The following PLXNA2 variants were observed in gnomAD, a reference collection of about 807,000 sequenced individuals.
PLXNA2 encodes the protein plexin-A2.
PLXNA2 carries 91 observed loss-of-function variants against 193.5 expected under a neutral mutation model. The observed-to-expected ratio is 0.47, with a 90% CI of 0.40 to 0.56. The LOEUF (loss-of-function observed/expected upper bound fraction) is 0.56. Among genes scored for constraint, PLXNA2 ranks in the 20% least tolerant of loss-of-function variants. The pLI is 0.00. For synonymous variants in PLXNA2, 997 were observed against 1,027.3 expected (o/e 0.97, Z 0.56); for missense variants, 1,995 against 2,503.2 (o/e 0.80, Z 4.33).
Position 208,027,125 on chromosome 1 carries a change from G to A in PLXNA2, c.*118C>T. The A allele has an allele frequency of 1.1e-6, 1 of 906,566 alleles. No homozygotes were observed. The highest frequency in any genetic ancestry group is 1.5e-5 in the South Asian group (1 of 67,178). The allele number at this position is 906,566 out of a possible 1,614,324, so 56.2% of individuals were successfully genotyped here. The stretch of plus-strand genomic sequence containing the variant: ...GGAGTCCTCCCCTCTCCCCAGGATG[G>A]GGTCTCAGGGGACAGCAAGCTCTGG... On this transcript the variant is annotated 3_prime_UTR_variant, in exon 32 of 32. Transcript: ENST00000367033.
chr1:208,067,143 G>A (rs776430309), intron 12 of PLXNA2, among the ~76,000 whole-genome samples: 1 of 152,112 alleles, frequency 6.6e-6, no homozygotes, highest in East Asian at 1.9e-4. Context: ...TCGGGAGTTT[G>A]AGACCAGCCT....
intron 3 of PLXNA2, among the ~76,000 whole-genome samples, chr1:208,181,923 G>A (rs887227070): frequency 6.6e-6 from 1 of 152,148 alleles, no homozygotes; most frequent in African/African-American, 2.4e-5. Flanking sequence ...CCCTGAGACC[G>A]TGTCCCATTT....
intron 3 of PLXNA2, among the ~76,000 whole-genome samples, chr1:208,200,306 C>T (rs545677788): frequency 2.0e-5 from 3 of 152,226 alleles, no homozygotes; most frequent in Admixed American, 2.0e-4. Context: ...CCACATTCAT[C>T]TCCATGTATT....
At chr1:208,048,499 T>G (rs1665150598) in intron 17 of PLXNA2, among the ~76,000 whole-genome samples, 1 of 152,180 alleles carries the variant, frequency 6.6e-6, no homozygotes, top group South Asian at 2.1e-4. Context: ...CCACTGAAAC[T>G]GAGGGCCCCC....
At chr1:208,119,743 G>A (rs1020039789) in intron 4 of PLXNA2, among the ~76,000 whole-genome samples, 1 of 152,180 alleles carries the variant, frequency 6.6e-6, no homozygotes, top group African/African-American at 2.4e-5. Flanking sequence ...CCAAGTAGCT[G>A]GGAATACAAG....
chr1:208,137,484 C>T (rs1380054578), intron 4 of PLXNA2, among the ~76,000 whole-genome samples: 1 of 152,110 alleles, frequency 6.6e-6, no homozygotes, highest in Non-Finnish European at 1.5e-5. Flanking sequence ...CCTGATTTTC[C>T]CTTGACTCGC....
chr1:208,150,021 T>A (rs1668711743), intron 3 of PLXNA2, among the ~76,000 whole-genome samples: 1 of 152,158 alleles, frequency 6.6e-6, no homozygotes, highest in Non-Finnish European at 1.5e-5. Context: ...TGGCCCTAAA[T>A]GCTTGGCTAA....
At chr1:208,196,024 C>A (rs1670346242) in intron 3 of PLXNA2, among the ~76,000 whole-genome samples, 1 of 151,950 alleles carries the variant, frequency 6.6e-6, no homozygotes, top group Non-Finnish European at 1.5e-5. Context: ...TTTGGTTGTG[C>A]CATACAAGAC....
chr1:208,045,706 C>T (rs1274975507), intron 18 of PLXNA2, among the ~76,000 whole-genome samples, 172 bp downstream of exon 18: 4 of 152,190 alleles, frequency 2.6e-5, no homozygotes, highest in African/African-American at 4.8e-5. Context: ...CAAGCTATAT[C>T]GCCTGATGGG....
chr1:208,026,178 T>G lies in PLXNA2; in HGVS notation c.*1065A>C, dbSNP rs1256234063. ...CTATGTCTCCAAATCAACTTTCAAA[T>G]GGAACCTCGTGGAGGCCTGGCCCAC... On this transcript the variant is annotated 3_prime_UTR_variant, in exon 32 of 32. Transcript: ENST00000367033. 1 of 152,444 alleles carries G rather than the reference T, an allele frequency of 6.6e-6. No individual in the cohort carries two copies. The highest frequency in any genetic ancestry group is 1.5e-5 in the Non-Finnish European group (1 of 68,028). 9.4% of individuals were successfully genotyped at this position (152,444 alleles called of 1,614,324 possible). A position where few individuals can be genotyped will look rare whatever the true frequency, so the allele number is the denominator to read the frequency against.
At chr1:208,123,175 C>T (rs1326821266) in intron 4 of PLXNA2, among the ~76,000 whole-genome samples, 3 of 152,296 alleles carry the variant, frequency 2.0e-5, no homozygotes, top group Admixed American at 6.5e-5. Context: ...TCATACAGTA[C>T]GTGATCCTTT....
chr1:208,131,533 TG>T (rs1668153377), intron 4 of PLXNA2, among the ~76,000 whole-genome samples: 2 of 152,156 alleles, frequency 1.3e-5, no homozygotes. Flanking sequence ...TGCAGAGCTC[TG>T]GGGTGTCATT....
chr1:208,134,550 C>T (rs1668247920), intron 4 of PLXNA2, among the ~76,000 whole-genome samples: 1 of 152,170 alleles, frequency 6.6e-6, no homozygotes, highest in Non-Finnish European at 1.5e-5. Flanking sequence ...CAGCAATTCG[C>T]TTATCCTCAC....
intron 9 of PLXNA2, among the ~76,000 whole-genome samples, chr1:208,088,821 T>G (rs1054349715): frequency 6.6e-6 from 1 of 152,244 alleles, no homozygotes; most frequent in Non-Finnish European, 1.5e-5. Flanking sequence ...ATTGTTAATA[T>G]TACCGCCTAT....
intron 26 of PLXNA2, 125 bp from the exon 27 acceptor site, chr1:208,034,717 C>G (rs1664618966): frequency 4.9e-6 from 3 of 610,470 alleles, no homozygotes; most frequent in Non-Finnish European, 9.0e-6. Flanking sequence ...TACAGGAATA[C>G]CAGAAACAAC....
At chr1:208,149,774 G>A (rs752504630) in intron 3 of PLXNA2, among the ~76,000 whole-genome samples, 4 of 152,086 alleles carry the variant, frequency 2.6e-5, no homozygotes, top group Non-Finnish European at 4.4e-5. Flanking sequence ...ATAGATTTAA[G>A]TCTTTGGTAA....
Position 208,217,178 on chromosome 1 carries a change from T to C in PLXNA2, c.745A>G (p.Ser249Gly). ...GTGAGAAAGTAGACAAAGCCCCCAC[T>C]AGCAAAGCCGTAGATGTAGAAGATG... ...FDIFYIYGFASGGFVYFLTVQ... is the reference protein window; with the variant it reads ...FDIFYIYGFAGGGFVYFLTVQ... The change falls in exon 2 of 32, where the codon AGT becomes GGT. Residue 249 changes from serine (S) to glycine (G), a missense_variant. Physicochemically the swap from Ser to Gly is moderately conservative, Grantham distance 56. This residue lies in a region of PLXNA2 where 702 missense variants were observed against 812.9 expected (regional missense o/e 0.86). Coordinates refer to ENST00000367033, the MANE Select transcript of PLXNA2 (RefSeq NM_025179.4). This position sits in a 1 kb window ranked among gnomAD's most constrained non-coding sequence, Gnocchi z 4.7. 1 of 1,613,916 alleles carries C rather than the reference T, an allele frequency of 6.2e-7. No individual in the cohort carries two copies. Among genetic ancestry groups the C allele is most frequent in the Non-Finnish European group, 8.5e-7 (1 of 1,179,970 alleles).
chr1:208,039,404 C>T (rs762649775), intron 24 of PLXNA2, among the ~76,000 whole-genome samples: 5 of 135,810 alleles, frequency 3.7e-5, no homozygotes, highest in African/African-American at 5.3e-5. Flanking sequence ...TTTTCTCCCC[C>T]AATATTATCT....
In PLXNA2 at chr1:208,217,977, C is replaced by T. The variant is rs1376531337; in HGVS notation, c.-55G>A. 1 of 1,584,984 alleles carries T rather than the reference C, an allele frequency of 6.3e-7. No homozygotes were observed. Among genetic ancestry groups the T allele is most frequent in the Non-Finnish European group, 8.5e-7 (1 of 1,172,376 alleles). On this transcript the variant is annotated 5_prime_UTR_variant, in exon 2 of 32. Coordinates refer to ENST00000367033, the MANE Select transcript of PLXNA2 (RefSeq NM_025179.4). The surrounding 1 kb of genome is among the most constrained non-coding windows in gnomAD (Gnocchi z 4.7). ...TCCTGTGTGTGCTCATCTGCTCCAC[C>T]TTCCCCGGTTGGCCCTCACATGATT...
Sources: allele counts gnomAD v4.1 joint callset (sites outside exome capture counted in the v4.1 genomes callset), GRCh38; gene constraint gnomAD v4.1.1; regional missense constraint gnomAD v4.1.1; non-coding constraint Gnocchi (gnomAD v3.1); transcripts MANE v1.5; gene names NCBI Gene and HGNC (gene_info 2026-07-23, HGNC 2026-07-21).